MCC: variants seen among roughly 807,000 people sequenced by gnomAD.
MCC encodes the protein colorectal mutant cancer protein.
Under a neutral mutation model 116.2 loss-of-function variants are expected in MCC, and 90 were observed. The observed-to-expected ratio is 0.77, with a 90% confidence interval of 0.65 to 0.92. The LOEUF is 0.92. Ranked by LOEUF, MCC falls within the 40% of genes least tolerant of loss-of-function variation. The pLI is 0.00. For missense variants in MCC, 1,516 were observed against 1,312.2 expected, an observed-to-expected ratio of 1.16 and a Z score of -2.40; for synonymous variants, 578 against 510.5, an observed-to-expected ratio of 1.13 and a Z score of -1.78.
intron 3 of MCC, among the ~76,000 whole-genome samples, chr5:113,272,504 T>C (rs1361298491): frequency 6.6e-6 from 1 of 152,220 alleles, no homozygotes; most frequent in Non-Finnish European, 1.5e-5. Flanking sequence ...TGGGCTCTAC[T>C]GTGCTCATTT....
At chr5:113,063,952 C>A in intron 14 of MCC, 32 bp downstream of exon 14, 1 of 1,584,984 alleles carries the variant, frequency 6.3e-7, no homozygotes, top group Non-Finnish European at 8.6e-7. Flanking sequence ...TGTGGACACA[C>A]GCCCACCCCA....
chr5:113,240,420 A>G (rs1054122938), intron 3 of MCC, among the ~76,000 whole-genome samples: 1 of 152,210 alleles, frequency 6.6e-6, no homozygotes. Flanking sequence ...TAACCTGCTT[A>G]TGATAGGTGT....
intron 1 of MCC, among the ~76,000 whole-genome samples, chr5:113,466,283 C>T (rs1221332297): frequency 6.6e-6 from 1 of 151,694 alleles, no homozygotes; most frequent in African/African-American, 2.4e-5. Flanking sequence ...GCTGCACCCA[C>T]CAACTCGTCA....
intron 2 of MCC, among the ~76,000 whole-genome samples, chr5:113,373,189 AAAAT>A (rs1768884337): frequency 9.6e-6 from 1 of 103,700 alleles, no homozygotes; most frequent in African/African-American, 3.1e-5. Flanking sequence ...AAAAAAAAAT[AAAAT>A]AAAATAAATA....
intron 18 of MCC, among the ~76,000 whole-genome samples, chr5:113,028,641 C>T (rs912411160): frequency 6.6e-6 from 1 of 152,250 alleles, no homozygotes; most frequent in African/African-American, 2.4e-5. Context: ...TATTATATGA[C>T]TTCTCAGAAC....
intron 1 of MCC, chr5:113,435,138 A>G: frequency 2.7e-6 from 1 of 372,894 alleles, no homozygotes. Flanking sequence ...GATGAGCAGA[A>G]AGTGGCCTCG....
rs1331948027 is a variant in MCC at position 113,023,890 on chromosome 5, A to C, written c.*3412T>G. ...CACCTTCAGAAGGGAACAAGCAACT[A>C]TGGAGGTTCTTTAATTCATGCCAGG... On this transcript the variant is annotated 3_prime_UTR_variant, in exon 19 of 19. Coordinates refer to ENST00000408903, the MANE Select transcript of MCC (RefSeq NM_001085377.2). The C allele has an allele frequency of 1.3e-5, 2 of 152,226 alleles. No individual in the cohort carries two copies. Among genetic ancestry groups the C allele is most frequent in the Admixed American group, 1.3e-4 (2 of 15,284 alleles). 9.4% of individuals were successfully genotyped at this position (152,226 alleles called of 1,614,324 possible).
intron 3 of MCC, among the ~76,000 whole-genome samples, chr5:113,198,647 A>G (rs1318684528): frequency 6.7e-6 from 1 of 150,328 alleles, no homozygotes; most frequent in African/African-American, 2.4e-5. Context: ...GAGGCTGTAG[A>G]GAGCAGTGAT....
At chr5:113,394,933 C>T (rs543848436) in intron 1 of MCC, among the ~76,000 whole-genome samples, 33 of 152,268 alleles carry the variant, frequency 2.2e-4, no homozygotes, top group Middle Eastern at 3.4e-3. Context: ...TCTATGACTA[C>T]TTTTTTGCTA....
chr5:113,297,749 C>CAAAAAAAAA (rs57148050), intron 3 of MCC, among the ~76,000 whole-genome samples: 2 of 60,510 alleles, frequency 3.3e-5, no homozygotes, highest in Admixed American at 2.3e-4. Context: ...GACTCTGTCT[C>CAAAAAAAAA]AAAAAAAAAA....
At chr5:113,036,988 C>G (rs1282619251) in intron 17 of MCC, among the ~76,000 whole-genome samples, 1 of 152,200 alleles carries the variant, frequency 6.6e-6, no homozygotes, top group Non-Finnish European at 1.5e-5. Flanking sequence ...AGCACAACTT[C>G]CATTGCTTGA....
At chr5:113,433,501 C>T (rs1390366080) in intron 1 of MCC, 3 of 621,400 alleles carry the variant, frequency 4.8e-6, no homozygotes, top group African/African-American at 3.7e-5. Context: ...CCGGGTCACG[C>T]TCTGGGGGAG....
intron 14 of MCC, 42 bp from the exon 15 acceptor site, chr5:113,054,001 T>A (rs934751218): frequency 3.5e-6 from 5 of 1,418,046 alleles, no homozygotes; most frequent in Admixed American, 3.5e-5. Flanking sequence ...CCTGTGTTAT[T>A]CCAAGTCATG....
chr5:113,101,515 T>A (rs1756407606), intron 8 of MCC: 1 of 558,172 alleles, frequency 1.8e-6, no homozygotes, highest in Non-Finnish European at 3.2e-6. Flanking sequence ...CCAGTCAGAT[T>A]TAAGATTCCA....
At chr5:113,244,110 T>C (rs1176787567) in intron 3 of MCC, among the ~76,000 whole-genome samples, 1 of 152,216 alleles carries the variant, frequency 6.6e-6, no homozygotes, top group African/African-American at 2.4e-5. Context: ...ATATCAAAAT[T>C]ATCTAAATCT....
chr5:113,090,419 C>T (rs6879138), intron 8 of MCC, among the ~76,000 whole-genome samples: 69,017 of 150,920 alleles, frequency 0.46, 17,247 homozygotes, highest in African/African-American at 0.69. Flanking sequence ...TCTTTGAAGA[C>T]AGTAGACTGA....
chr5:113,228,450 T>G (rs1763826572), intron 3 of MCC, among the ~76,000 whole-genome samples: 1 of 152,080 alleles, frequency 6.6e-6, no homozygotes, highest in Non-Finnish European at 1.5e-5. Flanking sequence ...AAGGTGACAT[T>G]TGAGTAGACC....
At chr5:113,172,718 C>G (rs1046540596) in intron 3 of MCC, among the ~76,000 whole-genome samples, 3 of 152,150 alleles carry the variant, frequency 2.0e-5, no homozygotes, top group African/African-American at 4.8e-5. Flanking sequence ...TATATTGCTA[C>G]AATGAAGAAC....
Position 113,375,165 on chromosome 5 carries a change from T to C in MCC, c.415+9803A>G, listed in dbSNP as rs564263957. On this transcript the variant is annotated intron_variant, in intron 2 of 18. Transcript: ENST00000408903. ...TTCTATTGAGCTCTTCTCCAACTTA[T>C]CATGACCTGGGTGTGTTTCCTTATT... Among the ~76,000 whole-genome samples, 14 of 152,212 alleles carry C rather than the reference T, an allele frequency of 9.2e-5. No homozygotes were observed. The East Asian group carries it at 2.7e-3, about 29-fold the overall frequency.
Sources: gnomAD v4.1 joint callset for allele counts (sites outside exome capture counted in the v4.1 genomes callset) on GRCh38, gnomAD v4.1.1 for gene constraint, MANE v1.5 for transcripts, NCBI Gene and HGNC (gene_info 2026-07-23, HGNC 2026-07-21) for gene names.